Variants in MACROD2 observed in about 807,000 individuals in gnomAD.
MACROD2 encodes ADP-ribose glycohydrolase MACROD2.
In MACROD2, 36 loss-of-function variants were observed where a neutral mutation model predicts 70.4. The observed-to-expected ratio is 0.51, with a 90% confidence interval of 0.39 to 0.68. MACROD2 has a LOEUF of 0.68. Ranked by LOEUF, MACROD2 falls within the 30% of genes least tolerant of loss-of-function variation. The pLI is 0.00. For synonymous variants in MACROD2, 172 were observed against 178.8 expected (o/e 0.96, Z 0.30); for missense variants, 496 against 538.4 (o/e 0.92, Z 0.78).
chr20:15,717,705 G>A (rs2050725795), intron 8 of MACROD2, among the ~76,000 whole-genome samples: 2 of 152,136 alleles, frequency 1.3e-5, no homozygotes, highest in African/African-American at 4.8e-5. Flanking sequence ...GTCAAATGGG[G>A]CCTGAGAATT....
chr20:14,334,989 A>C (rs1002922570), intron 3 of MACROD2, among the ~76,000 whole-genome samples: 7 of 152,200 alleles, frequency 4.6e-5, no homozygotes, highest in Non-Finnish European at 7.3e-5. Context: ...TTCATTGACC[A>C]GATTTAATAT....
At chr20:15,942,218 G>A (rs949075147) in intron 12 of MACROD2, among the ~76,000 whole-genome samples, 6 of 152,146 alleles carry the variant, frequency 3.9e-5, no homozygotes, top group African/African-American at 1.4e-4. Context: ...AGATGCAACT[G>A]ACTGGCTCAT....
At chr20:14,775,257 G>A (rs972781864) in intron 5 of MACROD2, among the ~76,000 whole-genome samples, 2 of 152,080 alleles carry the variant, frequency 1.3e-5, no homozygotes, top group Admixed American at 6.6e-5. Context: ...GGCTTAGCAA[G>A]TGGCTGTATT....
intron 10 of MACROD2, among the ~76,000 whole-genome samples, chr20:15,887,835 G>A (rs954477835): frequency 6.6e-6 from 1 of 152,084 alleles, no homozygotes; most frequent in African/African-American, 2.4e-5. Flanking sequence ...TATAAAAATA[G>A]TCGGATATTT....
intron 5 of MACROD2, among the ~76,000 whole-genome samples, chr20:15,007,382 A>G (rs556261782): frequency 2.0e-5 from 3 of 151,720 alleles, no homozygotes; most frequent in African/African-American, 7.3e-5. Context: ...AAACAAACAA[A>G]AAAAAAACAC....
intron 8 of MACROD2, among the ~76,000 whole-genome samples, chr20:15,598,116 G>T (rs1483787289): frequency 1.3e-5 from 2 of 152,124 alleles, no homozygotes; most frequent in African/African-American, 2.4e-5. Context: ...GAGGAAGGAT[G>T]ACCACACCCC....
At chr20:15,994,065 C>CT (rs1449173514) in intron 15 of MACROD2, among the ~76,000 whole-genome samples, 1 of 152,110 alleles carries the variant, frequency 6.6e-6, no homozygotes, top group African/African-American at 2.4e-5. Flanking sequence ...CAAAACTGCC[C>CT]TTTTTTTAAC....
intron 5 of MACROD2, among the ~76,000 whole-genome samples, chr20:14,823,350 C>T (rs1161336818): frequency 6.6e-6 from 1 of 152,000 alleles, no homozygotes; most frequent in South Asian, 2.1e-4. Flanking sequence ...TTAATTTTAT[C>T]TGCAAATAAC....
At chr20:15,464,886 G>A (rs565484540) in intron 7 of MACROD2, among the ~76,000 whole-genome samples, 3 of 152,200 alleles carry the variant, frequency 2.0e-5, no homozygotes, top group East Asian at 1.9e-4. Context: ...CCAATGCCTC[G>A]AACTGTGAAT....
At chr20:14,265,195 C>T (rs558841870) in intron 3 of MACROD2, among the ~76,000 whole-genome samples, 1 of 152,326 alleles carries the variant, frequency 6.6e-6, no homozygotes, top group Admixed American at 6.5e-5. Flanking sequence ...TTATTCACTA[C>T]AGATGCATTT....
intron 6 of MACROD2, among the ~76,000 whole-genome samples, chr20:15,317,482 AATCTATCTATCT>A (rs57469228): frequency 1.3e-3 from 185 of 145,866 alleles, no homozygotes; most frequent in East Asian, 6.3e-3. Flanking sequence ...CCATCCATCT[AATCTATCTATCT>A]ATCTATCTAT....
intron 6 of MACROD2, among the ~76,000 whole-genome samples, chr20:15,404,973 C>A (rs111899026): frequency 1.1e-4 from 17 of 152,242 alleles, no homozygotes; most frequent in African/African-American, 4.1e-4. Flanking sequence ...AGTACTGATA[C>A]GTGCTACAAT....
chr20:15,900,060 G>A (rs542438947), intron 10 of MACROD2, among the ~76,000 whole-genome samples: 1 of 152,234 alleles, frequency 6.6e-6, no homozygotes, highest in African/African-American at 2.4e-5. Flanking sequence ...TGTTTTGTGA[G>A]TGGCTGGACA....
At position 16,031,164 on chromosome 20, in the gene MACROD2, G is replaced by T. The variant is rs541912899; in HGVS notation, c.1154-10037G>T. 2.5e-4 allele frequency among the ~76,000 whole-genome samples: 38 copies of T among 151,430 alleles called. No homozygotes were observed. In the South Asian group the frequency reaches 6.5e-3, roughly 26 times the overall value. Reference sequence around the variant, plus strand: ...TTAGTTTAGAATATACAAAAATCATGGAAAAAAAACAATCAAATAGGAAAT... The same window carrying T: ...TTAGTTTAGAATATACAAAAATCATTGAAAAAAAACAATCAAATAGGAAAT... On this transcript the variant is annotated intron_variant, in intron 15 of 17. Coordinates refer to ENST00000684519, the MANE Select transcript of MACROD2 (RefSeq NM_001351661.2).
intron 8 of MACROD2, among the ~76,000 whole-genome samples, chr20:15,684,758 G>A (rs951265429): frequency 2.0e-5 from 3 of 152,160 alleles, no homozygotes; most frequent in Non-Finnish European, 4.4e-5. Context: ...GCACTTGAAA[G>A]TAAAGTGTAA....
At chr20:14,531,397 G>A (rs918465156) in intron 4 of MACROD2, among the ~76,000 whole-genome samples, 3 of 152,192 alleles carry the variant, frequency 2.0e-5, no homozygotes, top group Non-Finnish European at 4.4e-5. Context: ...GATGGTCACA[G>A]AGATTGGAGT....
chr20:15,408,595 C>G (rs1188875292), intron 6 of MACROD2, among the ~76,000 whole-genome samples: 1 of 152,180 alleles, frequency 6.6e-6, no homozygotes, highest in East Asian at 1.9e-4. Context: ...TAAATGAAAG[C>G]TTCGTCTTCC....
At chr20:15,484,772 C>G (rs574166784) in intron 7 of MACROD2, among the ~76,000 whole-genome samples, 10 of 152,256 alleles carry the variant, frequency 6.6e-5, no homozygotes, top group South Asian at 4.1e-4. Context: ...GAATGGATCC[C>G]CTTGGAGTTT....
At chr20:15,271,200 A>C (rs1256098259) in intron 6 of MACROD2, among the ~76,000 whole-genome samples, 1 of 152,182 alleles carries the variant, frequency 6.6e-6, no homozygotes, top group Non-Finnish European at 1.5e-5. Context: ...AAGCACTAGC[A>C]GATTTGGCTT....
Sources: allele counts gnomAD v4.1 joint callset (sites outside exome capture counted in the v4.1 genomes callset), GRCh38; gene constraint gnomAD v4.1.1; transcripts MANE v1.5; gene names NCBI Gene and HGNC (gene_info 2026-07-23, HGNC 2026-07-21).